AKAP9: variants seen among roughly 807,000 people sequenced by gnomAD.
AKAP9 encodes A-kinase anchoring protein 9.
A neutral mutation model predicts 488.5 loss-of-function variants in AKAP9; 311 were observed. The observed-to-expected ratio is 0.64, with a 90% CI of 0.58 to 0.70. The LOEUF is 0.70. Among genes scored for constraint, AKAP9 ranks in the 30% least tolerant of loss-of-function variants. The pLI, the probability that AKAP9 is intolerant of heterozygous loss-of-function variation, is 0.00. For missense variants in AKAP9, 4,215 were observed against 4,374.5 expected (o/e 0.96, Z 1.03); for synonymous variants, 1,462 against 1,483.5 (o/e 0.99, Z 0.33).
intron 2 of AKAP9, among the ~76,000 whole-genome samples, chr7:91,975,235 C>G (rs1041414527): frequency 6.6e-6 from 1 of 152,148 alleles, no homozygotes; most frequent in South Asian, 2.1e-4. Flanking sequence ...AATTCCAAGA[C>G]TTAAGTGATC....
chr7:91,987,260 A>G lies in AKAP9; in HGVS notation c.352-4898A>G, dbSNP rs141188300. Among the ~76,000 whole-genome samples, 107 of 152,248 alleles carry G rather than the reference A, an allele frequency of 7.0e-4. No individual in the cohort carries two copies. In the East Asian group the frequency reaches 9.7e-3, roughly 14 times the overall value. On this transcript the variant is annotated intron_variant, in intron 3 of 49. Coordinates refer to ENST00000356239, the MANE Select transcript of AKAP9 (RefSeq NM_005751.5). ...TGCTGAAACCCCATGTCTACTAAAAATAACAAAAATTACCTGAACATGGTG... is the reference window on the plus strand; with the variant it reads ...TGCTGAAACCCCATGTCTACTAAAAGTAACAAAAATTACCTGAACATGGTG...
At chr7:91,962,584 A>G (rs1274436090) in intron 1 of AKAP9, among the ~76,000 whole-genome samples, 1 of 152,144 alleles carries the variant, frequency 6.6e-6, no homozygotes, top group African/African-American at 2.4e-5. Flanking sequence ...GGCTTTGTAT[A>G]TATAGCAGAG....
chr7:91,976,068 G>A (rs1295507306), intron 2 of AKAP9, among the ~76,000 whole-genome samples: 1 of 151,354 alleles, frequency 6.6e-6, no homozygotes, highest in African/African-American at 2.4e-5. Context: ...AGTTGGGATT[G>A]TGAGCCATCA....
intron 30 of AKAP9, among the ~76,000 whole-genome samples, chr7:92,078,137 C>T (rs913425157): frequency 6.6e-6 from 1 of 152,042 alleles, no homozygotes; most frequent in Non-Finnish European, 1.5e-5. Context: ...GCTGGGATTA[C>T]AGGCACCCAC....
Position 91,959,979 on chromosome 7 carries a change from T to A in AKAP9, c.49-13732T>A, listed in dbSNP as rs183490026. Among the ~76,000 whole-genome samples the A allele has an allele frequency of 2.0e-5, 3 of 152,362 alleles. No homozygotes were observed. In the East Asian group the frequency reaches 5.8e-4, roughly 29 times the overall value. ...CAAATGGTCTTTGGGACAACTGTTA[T>A]AATCTTTTTATTTCCCTAGTTAGGC... is the stretch of plus-strand genomic sequence containing the variant. On this transcript the variant is annotated intron_variant, in intron 1 of 49. Transcript: ENST00000356239.
rs1466207375 is a variant in AKAP9 at position 91,994,788 on chromosome 7, T to C, written c.732+12T>C. 1.2e-6 allele frequency: 2 copies of C among 1,601,160 alleles called. No individual in the cohort carries two copies. Among genetic ancestry groups the C allele is most frequent in the African/African-American group, 1.3e-5 (1 of 74,704 alleles). ...TTCAATTTCAGCAAGTAAGTATTAC[T>C]AATGCAACAAAATTCATTATTTTTT... is the stretch of plus-strand genomic sequence containing the variant. On this transcript the variant is annotated intron_variant, in intron 6 of 49. Coordinates refer to ENST00000356239, the MANE Select transcript of AKAP9 (RefSeq NM_005751.5).
chr7:92,063,446 T>TTC, intron 24 of AKAP9: 1 of 977,908 alleles, frequency 1.0e-6, no homozygotes, highest in Non-Finnish European at 1.2e-6. Flanking sequence ...TTTTTTTTTT[T>TTC]TCTCTATTTT....
At position 92,105,783 on chromosome 7, in the gene AKAP9, T is replaced by G. The variant is rs1295914478; in HGVS notation, c.11416+20T>G. On this transcript the variant is annotated intron_variant, in intron 47 of 49. Coordinates refer to ENST00000356239, the MANE Select transcript of AKAP9 (RefSeq NM_005751.5). ...ATCAAGGTGAAGTCAAAATAGCATA[T>G]TTTCTTATGTTTATGACTCTCTAAA... The G allele has an allele frequency of 6.3e-7, 1 of 1,589,722 alleles. No homozygotes were observed. Among genetic ancestry groups the G allele is most frequent in the Non-Finnish European group, 8.6e-7 (1 of 1,158,018 alleles).
intron 2 of AKAP9, among the ~76,000 whole-genome samples, chr7:91,978,932 A>ATTTTTTTTT (rs34097770): frequency 4.4e-5 from 4 of 90,344 alleles, no homozygotes; most frequent in East Asian, 3.7e-4. Flanking sequence ...TAGTTTTTGT[A>ATTTTTTTTT]TTTTTTTTTT....
At chr7:92,058,741 A>G (rs945566343) in intron 22 of AKAP9, among the ~76,000 whole-genome samples, 3 of 152,086 alleles carry the variant, frequency 2.0e-5, no homozygotes, top group African/African-American at 7.2e-5. Context: ...GAGACTCGGT[A>G]TTATGATACT....
chr7:92,075,644 C>T (rs922458784), intron 28 of AKAP9, among the ~76,000 whole-genome samples: 5 of 152,206 alleles, frequency 3.3e-5, no homozygotes, highest in Admixed American at 2.0e-4. Flanking sequence ...CTCTCTGTGA[C>T]GTCCATCCTC....
intron 1 of AKAP9, among the ~76,000 whole-genome samples, chr7:91,954,639 A>C (rs1792711865): frequency 6.6e-6 from 1 of 152,266 alleles, no homozygotes; most frequent in African/African-American, 2.4e-5. Flanking sequence ...ACATCTACTC[A>C]TAGAGTAATC....
rs772239318 is a variant in AKAP9 at position 92,001,546 on chromosome 7, G to A, written c.1629G>A (p.Gln543=). The change falls in exon 8 of 50, where the codon CAG becomes CAA. Residue 543 remains glutamine, a synonymous_variant. Coordinates refer to ENST00000356239, the MANE Select transcript of AKAP9 (RefSeq NM_005751.5). ...AAGAATTGAGCTTTTCAAGGGAACA[G>A]ATTCAGAGAGCTAGACAGACAATAG... is the stretch of plus-strand genomic sequence containing the variant. ...LVEELSFSRE[Q]IQRARQTIAE... The A allele has an allele frequency of 4.3e-6, 7 of 1,613,870 alleles. No individual in the cohort carries two copies. The highest frequency in any genetic ancestry group is 5.9e-6 in the Non-Finnish European group (7 of 1,179,858).
rs377560937 is a variant in AKAP9 at position 92,045,201 on chromosome 7, G to C, written c.5356G>C (p.Glu1786Gln). Residue 1786 changes from glutamate (E) to glutamine (Q), a missense_variant, in exon 21 of 50, where the codon GAA (glutamate) becomes CAA (glutamine). Coordinates refer to ENST00000356239, the MANE Select transcript of AKAP9 (RefSeq NM_005751.5). ...EASVKSCVHE[E>Q]HTRVTDESIP... ...ATCTGTAAAGTCATGTGTCCATGAG[G>C]AACATACAAGAGGTACTAGTTTTCT... 15 of 1,613,526 alleles carry C rather than the reference G, an allele frequency of 9.3e-6. No homozygotes were observed. The highest frequency in any genetic ancestry group is 1.6e-4 in the Middle Eastern group (1 of 6,082).
chr7:92,098,976 A>G (rs967030055), intron 43 of AKAP9, among the ~76,000 whole-genome samples: 3 of 152,146 alleles, frequency 2.0e-5, no homozygotes, highest in African/African-American at 7.2e-5. Flanking sequence ...CCCTGGGGAA[A>G]TGTACCCCAT....
intron 1 of AKAP9, among the ~76,000 whole-genome samples, chr7:91,953,926 A>T (rs779197258): frequency 6.3e-4 from 93 of 148,712 alleles, no homozygotes; most frequent in Non-Finnish European, 1.1e-3. Context: ...TTTCTTTTTT[A>T]ACATAAAATA....
chr7:92,073,954 G>A (rs1812147557), intron 28 of AKAP9, among the ~76,000 whole-genome samples: 2 of 152,138 alleles, frequency 1.3e-5, no homozygotes, highest in African/African-American at 4.8e-5. Context: ...CAGGACATAG[G>A]CATGGGCAAG....
rs565967843 is a variant in AKAP9 at position 92,031,963 on chromosome 7, A to G, written c.4338+359A>G. On this transcript the variant is annotated intron_variant, in intron 16 of 49. Transcript: ENST00000356239. ...TATATATTATCTGTATCTATTTCCA[A>G]TCAGAGAAGTTTTGTTAGGTAATGA... Among the ~76,000 whole-genome samples the G allele has an allele frequency of 7.2e-5, 11 of 152,344 alleles. No homozygotes were observed. The South Asian group carries it at 2.3e-3, about 32-fold the overall frequency.
At chr7:91,980,495 C>CTTTTTTTTTTATTTTTTTT in intron 3 of AKAP9, among the ~76,000 whole-genome samples, 162 bp downstream of exon 3, 1 of 48,756 alleles carries the variant, frequency 2.1e-5, no homozygotes, top group Non-Finnish European at 3.3e-5. Flanking sequence ...GTATTACTGA[C>CTTTTTTTTTTATTTTTTTT]TTTTTTTTTT....
Sources: gnomAD v4.1 joint callset for allele counts (sites outside exome capture counted in the v4.1 genomes callset) on GRCh38, gnomAD v4.1.1 for gene constraint, MANE v1.5 for transcripts, NCBI Gene and HGNC (gene_info 2026-07-23, HGNC 2026-07-21) for gene names.